The following RORA variants were observed in gnomAD, a reference collection of about 807,000 sequenced individuals.
The protein encoded by RORA is RAR related orphan receptor A.
Under a neutral mutation model 69.5 loss-of-function variants are expected in RORA, and 7 were observed. The ratio of observed to expected loss-of-function variants is 0.10; its 90% CI spans 0.06 to 0.19. RORA has a LOEUF of 0.19. RORA is among the 10% of genes least tolerant of loss of function. The probability of loss-of-function intolerance (pLI) is 1.00; values close to 1 mark genes in which losing one functional copy is unlikely to be tolerated. For synonymous variants in RORA, 261 were observed against 240.8 expected (o/e 1.08, Z -0.78); for missense variants, 457 against 663.0 (o/e 0.69, Z 3.41).
intron 1 of RORA, among the ~76,000 whole-genome samples, chr15:60,802,805 A>C (rs190888430): frequency 7.2e-5 from 11 of 152,330 alleles, no homozygotes; most frequent in African/African-American, 2.4e-4. Flanking sequence ...TTTACTGCTT[A>C]GCCTCAAAAG....
rs1411830940 is a variant in RORA, at chr15:60,549,481, TTGAA to T, written c.197-17634_197-17631del. ...CACTATAAGACCAAGGTACTAAACT[TTGAA>T]TGAGAAAATATTCTGCAGTTTCTCA... On this transcript the variant is annotated intron_variant, in intron 2 of 10. Transcript: ENST00000335670. 3.9e-5 allele frequency among the ~76,000 whole-genome samples: 6 copies of T among 152,316 alleles called. No homozygotes were observed. In the South Asian group the frequency reaches 6.2e-4, roughly 16 times the overall value.
chr15:60,601,923 T>C (rs1447415723), intron 2 of RORA, among the ~76,000 whole-genome samples: 1 of 152,166 alleles, frequency 6.6e-6, no homozygotes, highest in Non-Finnish European at 1.5e-5. Context: ...ATTTTCAAAA[T>C]ATAATAAAAG....
intron 2 of RORA, among the ~76,000 whole-genome samples, chr15:60,677,553 A>G (rs1023153222): frequency 2.0e-5 from 3 of 150,554 alleles, no homozygotes; most frequent in Non-Finnish European, 4.4e-5. Context: ...GCAACTTCTC[A>G]TCCAATTTGA....
chr15:60,761,449 T>A (rs1180388052), intron 1 of RORA, among the ~76,000 whole-genome samples: 1 of 152,222 alleles, frequency 6.6e-6, no homozygotes, highest in Admixed American at 6.5e-5. Context: ...ATGGTAAATG[T>A]GTAGAACAGC....
At chr15:61,124,132 G>A (rs2079124581) in intron 1 of RORA, among the ~76,000 whole-genome samples, 1 of 152,294 alleles carries the variant, frequency 6.6e-6, no homozygotes, top group Non-Finnish European at 1.5e-5. Flanking sequence ...GCTTCCTGAG[G>A]TCAGCCTCCT....
chr15:60,916,482 G>A (rs1214343948), intron 1 of RORA, among the ~76,000 whole-genome samples: 1 of 152,210 alleles, frequency 6.6e-6, no homozygotes, highest in African/African-American at 2.4e-5. Flanking sequence ...AGAGGAAGCA[G>A]TCGATGAGGA....
chr15:60,826,052 A>T (rs923607564), intron 1 of RORA, among the ~76,000 whole-genome samples: 1 of 152,208 alleles, frequency 6.6e-6, no homozygotes. Flanking sequence ...CACCTTAGGC[A>T]GGGCCAATTG....
chr15:60,740,979 C>T (rs341416), intron 1 of RORA, among the ~76,000 whole-genome samples: 152,278 of 152,334 alleles, frequency 1, 76,111 homozygotes, highest in Middle Eastern at 1. Flanking sequence ...CTGTATTTCC[C>T]GTGTGGTGTT....
chr15:61,179,934 C>T (rs897217207), intron 1 of RORA, among the ~76,000 whole-genome samples: 18 of 150,512 alleles, frequency 1.2e-4, no homozygotes, highest in African/African-American at 4.4e-4. Flanking sequence ...GTCAGGAGTT[C>T]GAGACCAGCC....
chr15:60,673,250 C>T (rs1225104025), intron 2 of RORA, among the ~76,000 whole-genome samples: 1 of 152,174 alleles, frequency 6.6e-6, no homozygotes, highest in African/African-American at 2.4e-5. Flanking sequence ...CACAGGTCCT[C>T]GCCATGAACT....
intron 1 of RORA, among the ~76,000 whole-genome samples, chr15:61,218,362 A>G (rs1431892947): frequency 6.6e-6 from 1 of 152,146 alleles, no homozygotes; most frequent in Non-Finnish European, 1.5e-5. Context: ...TGTGCCTGTC[A>G]AGTGGTATTT....
chr15:60,533,110 A>G (rs894143536), intron 2 of RORA, among the ~76,000 whole-genome samples: 12 of 152,362 alleles, frequency 7.9e-5, no homozygotes, highest in African/African-American at 2.9e-4. Flanking sequence ...TAGAGCACAC[A>G]TGAAACTATT....
At chr15:60,725,321 C>A (rs931114628) in intron 1 of RORA, among the ~76,000 whole-genome samples, 6 of 152,186 alleles carry the variant, frequency 3.9e-5, no homozygotes, top group Non-Finnish European at 8.8e-5. Flanking sequence ...GCTTATTAAT[C>A]ATGTGTAACT....
At chr15:61,137,806 A>G (rs2079259572) in intron 1 of RORA, among the ~76,000 whole-genome samples, 1 of 152,260 alleles carries the variant, frequency 6.6e-6, no homozygotes. Flanking sequence ...ATGAAATAAT[A>G]GGTAATAACA....
intron 1 of RORA, among the ~76,000 whole-genome samples, chr15:61,121,649 C>T (rs1461632152): frequency 6.6e-6 from 1 of 152,128 alleles, no homozygotes; most frequent in Admixed American, 6.5e-5. Context: ...CTGGGCATCG[C>T]TGGAGCTGCC....
intron 1 of RORA, among the ~76,000 whole-genome samples, chr15:60,747,758 G>T (rs1460570418): frequency 6.6e-6 from 1 of 152,154 alleles, no homozygotes; most frequent in Non-Finnish European, 1.5e-5. Flanking sequence ...GCTCTCAGAT[G>T]AATTGTCTTG....
At chr15:60,940,149 C>T (rs543967297) in intron 1 of RORA, among the ~76,000 whole-genome samples, 3 of 152,210 alleles carry the variant, frequency 2.0e-5, no homozygotes, top group African/African-American at 4.8e-5. Flanking sequence ...TGATGGTGAA[C>T]ATTCTAAGAT....
intron 1 of RORA, among the ~76,000 whole-genome samples, chr15:60,798,552 A>G (rs341424): frequency 0.99 from 150,215 of 151,826 alleles, 74,330 homozygotes; most frequent in East Asian, 1. Context: ...AGCAAGAAGC[A>G]AGTATTCACC....
chr15:61,128,205 G>A lies in RORA; in HGVS notation c.166+100848C>T, dbSNP rs898691925. Reference sequence around the variant, plus strand: ...AATTGCTGTGTGTGTGTATGCACACGTGTGTGTGTGTGTGTGTGTCTGTGT... The same window carrying A: ...AATTGCTGTGTGTGTGTATGCACACATGTGTGTGTGTGTGTGTGTCTGTGT... On this transcript the variant is annotated intron_variant, in intron 1 of 10. Coordinates refer to ENST00000335670, the MANE Select transcript of RORA (RefSeq NM_134261.3). The surrounding 1 kb of genome is among the most constrained non-coding windows in gnomAD (Gnocchi z 4.5). 1.4e-4 allele frequency among the ~76,000 whole-genome samples: 6 copies of A among 41,834 alleles called. No individual in the cohort carries two copies. Among genetic ancestry groups the A allele is most frequent in the South Asian group, 7.5e-4 (1 of 1,328 alleles). The allele number at this position is 41,834 out of a possible 152,430, so 27.4% of individuals were successfully genotyped here. A position where few individuals can be genotyped will look rare whatever the true frequency, so the allele number is the denominator to read the frequency against.
Sources: gnomAD v4.1 joint callset for allele counts (sites outside exome capture counted in the v4.1 genomes callset) on GRCh38, gnomAD v4.1.1 for gene constraint, Gnocchi (gnomAD v3.1) non-coding constraint, MANE v1.5 for transcripts, NCBI Gene and HGNC (gene_info 2026-07-23, HGNC 2026-07-21) for gene names.